KCNH8: variants seen among roughly 807,000 people sequenced by gnomAD.
KCNH8 encodes potassium voltage-gated channel subfamily H member 8.
A neutral mutation model predicts 103.6 loss-of-function variants in KCNH8; 70 were observed. That is an observed-to-expected ratio of 0.68 (90% CI 0.56 to 0.82). KCNH8 has a LOEUF of 0.82. KCNH8 is among the 40% of genes least tolerant of loss of function. The probability of loss-of-function intolerance (pLI) is 0.00; values close to 1 mark genes in which losing one functional copy is unlikely to be tolerated. For missense variants in KCNH8, 1,217 were observed against 1,329.9 expected (o/e 0.92, Z 1.32); for synonymous variants, 498 against 489.4 (o/e 1.02, Z -0.23).
chr3:19,261,725 T>C (rs1037396582), intron 2 of KCNH8, among the ~76,000 whole-genome samples: 3 of 151,882 alleles, frequency 2.0e-5, no homozygotes, highest in Non-Finnish European at 2.9e-5. Flanking sequence ...GCTAAGTGTT[T>C]TATGGTTTCA....
intron 7 of KCNH8, among the ~76,000 whole-genome samples, chr3:19,423,265 A>G (rs1559320862): frequency 6.6e-6 from 1 of 151,960 alleles, no homozygotes. Flanking sequence ...ATTTCTCTTA[A>G]AATTATTTCT....
intron 6 of KCNH8, among the ~76,000 whole-genome samples, chr3:19,392,318 CAA>C (rs10662694): frequency 7.2e-5 from 9 of 125,408 alleles, no homozygotes; most frequent in Admixed American, 1.7e-4. Context: ...ACATCTGTGT[CAA>C]AAAAAAAAAA....
At chr3:19,329,001 T>A (rs766040795) in intron 3 of KCNH8, among the ~76,000 whole-genome samples, 8 of 152,204 alleles carry the variant, frequency 5.3e-5, no homozygotes, top group Non-Finnish European at 1.0e-4. Context: ...TTATAGCTAG[T>A]ACCATTTGTT....
At chr3:19,310,787 TAAAAC>T (rs2065197718) in intron 3 of KCNH8, among the ~76,000 whole-genome samples, 1 of 151,794 alleles carries the variant, frequency 6.6e-6, no homozygotes, top group South Asian at 2.1e-4. Flanking sequence ...ATGAATTAAA[TAAAAC>T]AGGAGATTAT....
chr3:19,458,607 C>G (rs182608463), intron 11 of KCNH8, among the ~76,000 whole-genome samples: 1 of 152,070 alleles, frequency 6.6e-6, no homozygotes, highest in African/African-American at 2.4e-5. Flanking sequence ...GGTGAGAACA[C>G]TTAAAATCTC....
chr3:19,322,594 A>T (rs1269999274), intron 3 of KCNH8, among the ~76,000 whole-genome samples: 2 of 152,168 alleles, frequency 1.3e-5, no homozygotes, highest in Admixed American at 1.3e-4. Flanking sequence ...TTTATAGGTT[A>T]TCTGAAGCTT....
At chr3:19,154,958 A>G (rs996732533) in intron 1 of KCNH8, among the ~76,000 whole-genome samples, 4 of 152,216 alleles carry the variant, frequency 2.6e-5, no homozygotes, top group Admixed American at 2.6e-4. Context: ...TGAGACTTCA[A>G]CTTCACCTAT....
At position 19,534,748 on chromosome 3, in the gene KCNH8, G is replaced by GTTTTC. The variant is rs566879847; in HGVS notation, c.*655_*659dup. On this transcript the variant is annotated 3_prime_UTR_variant, in exon 16 of 16. Coordinates refer to ENST00000328405, the MANE Select transcript of KCNH8 (RefSeq NM_144633.3). ...TTTAAATATTTATAAAGAAATGAAT[G>GTTTTC]TTTTCTTTTCATTTTGGTAAAAAAA... The GTTTTC allele has an allele frequency of 6.6e-6, 1 of 152,280 alleles. No individual in the cohort carries two copies. Among genetic ancestry groups the GTTTTC allele is most frequent in the Non-Finnish European group, 1.5e-5 (1 of 67,988 alleles). The allele number at this position is 152,280 out of a possible 1,614,324, so 9.4% of individuals were successfully genotyped here. A position where few individuals can be genotyped will look rare whatever the true frequency, so the allele number is the denominator to read the frequency against.
At chr3:19,404,364 G>A (rs2066660545) in intron 7 of KCNH8, among the ~76,000 whole-genome samples, 2 of 152,022 alleles carry the variant, frequency 1.3e-5, no homozygotes, top group Non-Finnish European at 2.9e-5. Context: ...AACATCTTAG[G>A]CTGTGCCTTG....
At chr3:19,231,867 C>T (rs1026887582) in intron 1 of KCNH8, among the ~76,000 whole-genome samples, 4 of 152,190 alleles carry the variant, frequency 2.6e-5, no homozygotes, top group Non-Finnish European at 4.4e-5. Context: ...TTTCTTTTCT[C>T]TTCAAAACAT....
chr3:19,274,898 T>TCCCTC (rs1409692014), intron 2 of KCNH8, among the ~76,000 whole-genome samples: 1 of 93,470 alleles, frequency 1.1e-5, no homozygotes, highest in Non-Finnish European at 2.0e-5. Flanking sequence ...CCCCTTCCCT[T>TCCCTC]CCCTCTCTCT....
intron 11 of KCNH8, among the ~76,000 whole-genome samples, chr3:19,499,994 C>A (rs1293093121): frequency 6.6e-6 from 1 of 152,028 alleles, no homozygotes; most frequent in African/African-American, 2.4e-5. Flanking sequence ...CACAGACTGG[C>A]AAATTGGATG....
chr3:19,371,923 G>C (rs1314481994), intron 5 of KCNH8, among the ~76,000 whole-genome samples: 3 of 150,236 alleles, frequency 2.0e-5, no homozygotes, highest in African/African-American at 7.4e-5. Flanking sequence ...GATAGTTGTA[G>C]ATATGTGGCG....
At chr3:19,353,910 A>C (rs1174609734) in intron 5 of KCNH8, among the ~76,000 whole-genome samples, 2 of 152,180 alleles carry the variant, frequency 1.3e-5, no homozygotes, top group African/African-American at 2.4e-5. Context: ...AAAGAAATAA[A>C]GGGTATTCAG....
chr3:19,404,505 T>A (rs1171391490), intron 7 of KCNH8, among the ~76,000 whole-genome samples: 1 of 151,922 alleles, frequency 6.6e-6, no homozygotes, highest in Admixed American at 6.6e-5. Flanking sequence ...TCAATCACTG[T>A]TTTTCTATTC....
intron 3 of KCNH8, among the ~76,000 whole-genome samples, chr3:19,317,915 C>A (rs1165060374): frequency 6.6e-5 from 10 of 151,944 alleles, no homozygotes; most frequent in Admixed American, 6.6e-4. Context: ...AAAACTGGCA[C>A]AAGACAAGGA....
chr3:19,177,951 T>C (rs113530252), intron 1 of KCNH8, among the ~76,000 whole-genome samples: 3 of 152,284 alleles, frequency 2.0e-5, no homozygotes, highest in African/African-American at 7.2e-5. Context: ...CATGTCATTA[T>C]ATATTAGAAG....
intron 1 of KCNH8, among the ~76,000 whole-genome samples, chr3:19,188,687 T>G (rs1050543409): frequency 3.3e-5 from 5 of 152,128 alleles, no homozygotes; most frequent in African/African-American, 1.2e-4. Flanking sequence ...CAATATAAAA[T>G]TACATTATTA....
At chr3:19,428,512 A>G (rs1174436169) in intron 7 of KCNH8, among the ~76,000 whole-genome samples, 5 of 152,316 alleles carry the variant, frequency 3.3e-5, no homozygotes, top group South Asian at 4.1e-4. Flanking sequence ...ATTTTCAGTA[A>G]AACAGAAATC....
Sources: allele counts gnomAD v4.1 joint callset (sites outside exome capture counted in the v4.1 genomes callset), GRCh38; gene constraint gnomAD v4.1.1; transcripts MANE v1.5; gene names NCBI Gene and HGNC (gene_info 2026-07-23, HGNC 2026-07-21).